The following BMAL1 variants were observed in gnomAD, a reference collection of about 807,000 sequenced individuals.
The protein encoded by BMAL1 is basic helix-loop-helix ARNT-like protein 1.
chr11:13,318,640 C>T, the BMAL1 span, among the ~76,000 whole-genome samples: 1 of 129,420 alleles, frequency 7.7e-6, no homozygotes, highest in East Asian at 2.5e-4. Context: ...TTTTGAGCTT[C>T]TCAGAACTTG....
the BMAL1 span, among the ~76,000 whole-genome samples, chr11:13,287,007 T>C: frequency 2.6e-5 from 4 of 152,114 alleles, no homozygotes; most frequent in Non-Finnish European, 5.9e-5. Context: ...TTTTAGAGGA[T>C]AGAAGAGGTT....
At chr11:13,378,210 T>C in the BMAL1 span, 1 of 1,285,812 alleles carries the variant, frequency 7.8e-7, no homozygotes, top group Non-Finnish European at 1.0e-6. Context: ...AGCCCTAAAG[T>C]CCCTCAAGGC....
chr11:13,311,047 G>A, the BMAL1 span, among the ~76,000 whole-genome samples: 1 of 152,238 alleles, frequency 6.6e-6, no homozygotes, highest in Non-Finnish European at 1.5e-5. Flanking sequence ...AGGAGTCAAA[G>A]AGGATGAAAG....
the BMAL1 span, among the ~76,000 whole-genome samples, chr11:13,317,266 A>G: frequency 1.3e-5 from 2 of 152,194 alleles, no homozygotes; most frequent in African/African-American, 4.8e-5. Context: ...CATTATGTCC[A>G]GATATTATTA....
chr11:13,282,825 G>A, the BMAL1 span, among the ~76,000 whole-genome samples: 1 of 152,228 alleles, frequency 6.6e-6, no homozygotes, highest in African/African-American at 2.4e-5. Context: ...ACAGGCACAG[G>A]GAGCCTTTAG....
the BMAL1 span, among the ~76,000 whole-genome samples, chr11:13,321,895 G>C: frequency 6.6e-6 from 1 of 152,172 alleles, no homozygotes; most frequent in East Asian, 1.9e-4. Flanking sequence ...CTTCGGTTCT[G>C]CTGGTAACTC....
chr11:13,298,387 GT>G, the BMAL1 span, among the ~76,000 whole-genome samples: 2 of 152,162 alleles, frequency 1.3e-5, no homozygotes, highest in Non-Finnish European at 2.9e-5. Flanking sequence ...TTTTTCAAAT[GT>G]CACCCTATTT....
chr11:13,345,638 A>G, the BMAL1 span, among the ~76,000 whole-genome samples: 5 of 152,212 alleles, frequency 3.3e-5, no homozygotes, highest in Non-Finnish European at 4.4e-5. Flanking sequence ...AAGCACCAGC[A>G]GTAAAGCTGG....
the BMAL1 span, among the ~76,000 whole-genome samples, chr11:13,284,250 A>ATGTG: frequency 1.1e-4 from 3 of 28,264 alleles, no homozygotes; most frequent in African/African-American, 5.4e-4. Context: ...ATATATATAT[A>ATGTG]TATATATATA....
chr11:13,276,914 C>A, the BMAL1 span: 7 of 152,242 alleles, frequency 4.6e-5, no homozygotes, highest in African/African-American at 1.7e-4. Flanking sequence ...CAGCAGAGAG[C>A]GCTGCCGCGG....
chr11:13,284,257 TATATATA>T, the BMAL1 span, among the ~76,000 whole-genome samples: 1,639 of 28,276 alleles, frequency 0.058, 199 homozygotes, highest in Non-Finnish European at 0.091. Flanking sequence ...TATATATATA[TATATATA>T]TATTTTTTTT....
At chr11:13,332,015 G>A in the BMAL1 span, among the ~76,000 whole-genome samples, 1 of 152,238 alleles carries the variant, frequency 6.6e-6, no homozygotes, top group South Asian at 2.1e-4. Flanking sequence ...AACAAGCGAC[G>A]GGGAGTGATT....
the BMAL1 span, chr11:13,378,487 T>C: frequency 6.3e-7 from 1 of 1,578,152 alleles, no homozygotes; most frequent in African/African-American, 1.3e-5. Flanking sequence ...CCAGTGGTTC[T>C]CAACCCAGGG....
the BMAL1 span, among the ~76,000 whole-genome samples, chr11:13,282,583 G>A: frequency 3.3e-5 from 5 of 152,246 alleles, no homozygotes; most frequent in Admixed American, 2.0e-4. Flanking sequence ...CAATTTTCAC[G>A]TGTCCAAATC....
At chr11:13,354,532 T>C in the BMAL1 span, 20 of 1,526,088 alleles carry the variant, frequency 1.3e-5, no homozygotes, top group African/African-American at 2.1e-4. Context: ...AGCTACTGTT[T>C]CATCCTGGAA....
the BMAL1 span, among the ~76,000 whole-genome samples, chr11:13,348,911 T>G: frequency 2.6e-5 from 4 of 152,244 alleles, no homozygotes; most frequent in Admixed American, 2.6e-4. Flanking sequence ...CAGTGGAATT[T>G]GAAATGCCAA....
the BMAL1 span, among the ~76,000 whole-genome samples, chr11:13,300,994 G>A: frequency 6.6e-6 from 1 of 152,200 alleles, no homozygotes; most frequent in South Asian, 2.1e-4. Flanking sequence ...CTGGAGTGCA[G>A]TGGCGTGATC....
At chr11:13,314,685 T>A in the BMAL1 span, among the ~76,000 whole-genome samples, 2 of 152,174 alleles carry the variant, frequency 1.3e-5, no homozygotes, top group Non-Finnish European at 2.9e-5. Flanking sequence ...ATCCCAAATT[T>A]CCTAAATAAG....
At chr11:13,354,465 A>G in the BMAL1 span, 57 of 1,611,438 alleles carry the variant, frequency 3.5e-5, no homozygotes, top group Non-Finnish European at 4.7e-5. Context: ...CCTTTGGGGC[A>G]TGTCTTCCTC....
Sources: allele counts gnomAD v4.1 joint callset (sites outside exome capture counted in the v4.1 genomes callset), GRCh38; gene constraint gnomAD v4.1.1; transcripts MANE v1.5; gene names NCBI Gene and HGNC (gene_info 2026-07-23, HGNC 2026-07-21).